ANO5: variants seen among roughly 807,000 people sequenced by gnomAD.
ANO5 encodes the protein anoctamin-5.
A neutral mutation model predicts 121.0 loss-of-function variants in ANO5; 109 were observed. That is an observed-to-expected ratio of 0.90 (90% CI 0.77 to 1.06). The LOEUF (loss-of-function observed/expected upper bound fraction) is 1.06, where lower values mean the gene tolerates loss of function less well. Among genes scored for constraint, ANO5 ranks in the 50% least tolerant of loss-of-function variants. The pLI is 0.00. For synonymous variants in ANO5, 406 were observed against 359.9 expected (o/e 1.13, Z -1.45); for missense variants, 1,064 against 1,078.5 (o/e 0.99, Z 0.19).
chr11:22,218,233 G>T lies in ANO5; in HGVS notation c.139-13G>T. On this transcript the variant is annotated splice_polypyrimidine_tract_variant and intron_variant, in intron 3 of 21. Transcript: ENST00000324559. ...GGGCAGGAAGTGCTAATTCTTTATT[G>T]GTTGCTTCACAGCCTGCAAAGCGAT... 1 of 1,612,740 alleles carries T rather than the reference G, an allele frequency of 6.2e-7. No homozygotes were observed. Among genetic ancestry groups the T allele is most frequent in the Non-Finnish European group, 8.5e-7 (1 of 1,179,562 alleles).
At chr11:22,240,092 A>G (rs1019465297) in intron 9 of ANO5, among the ~76,000 whole-genome samples, 4 of 152,092 alleles carry the variant, frequency 2.6e-5, no homozygotes, top group Admixed American at 6.6e-5. Context: ...AGGGGCTAAC[A>G]CTTAGTGTTT....
chr11:22,251,672 A>G (rs973968235), intron 12 of ANO5, among the ~76,000 whole-genome samples: 10 of 152,098 alleles, frequency 6.6e-5, no homozygotes, highest in Admixed American at 6.6e-4. Flanking sequence ...CTGGGTGTAA[A>G]TTAGACATTT....
intron 18 of ANO5, among the ~76,000 whole-genome samples, chr11:22,271,017 G>A (rs1243473755): frequency 6.6e-6 from 1 of 152,130 alleles, no homozygotes; most frequent in African/African-American, 2.4e-5. Flanking sequence ...TGCTCAGAGC[G>A]TTTTCCCTCA....
chr11:22,226,079 G>A (rs763223849), intron 6 of ANO5, 27 bp downstream of exon 6: 2 of 1,556,078 alleles, frequency 1.3e-6, no homozygotes, highest in Non-Finnish European at 8.9e-7. Flanking sequence ...ATTTATACAA[G>A]CCTCTTTAAT....
chr11:22,213,090 T>C (rs1446269209), intron 3 of ANO5, among the ~76,000 whole-genome samples: 1 of 151,504 alleles, frequency 6.6e-6, no homozygotes, highest in African/African-American at 2.4e-5. Context: ...ATAAATCTAT[T>C]TATTATAAAT....
intron 7 of ANO5, 123 bp downstream of exon 7, chr11:22,227,709 T>A: frequency 1.6e-6 from 2 of 1,213,038 alleles, no homozygotes; most frequent in Non-Finnish European, 1.2e-6. Flanking sequence ...ATATAAGCAT[T>A]TGGTGATATT....
intron 5 of ANO5, among the ~76,000 whole-genome samples, chr11:22,224,879 T>A (rs1852773014): frequency 6.6e-6 from 1 of 152,074 alleles, no homozygotes; most frequent in Non-Finnish European, 1.5e-5. Flanking sequence ...GAAGCCATTA[T>A]GTTAAGTGAA....
chr11:22,250,395 A>G (rs750199426), intron 10 of ANO5, 24 bp downstream of exon 10: 2 of 1,612,946 alleles, frequency 1.2e-6, no homozygotes, highest in Non-Finnish European at 1.7e-6. Flanking sequence ...AGTTGCCCAG[A>G]TAGAGAAAAC....
intron 3 of ANO5, among the ~76,000 whole-genome samples, chr11:22,217,964 A>G (rs1238288674): frequency 6.6e-6 from 1 of 152,036 alleles, no homozygotes; most frequent in Non-Finnish European, 1.5e-5. Flanking sequence ...AAAATAAAAT[A>G]TAAATCCACA....
intron 17 of ANO5, among the ~76,000 whole-genome samples, chr11:22,268,284 T>A (rs1207001436): frequency 4.6e-5 from 7 of 151,264 alleles, no homozygotes; most frequent in Non-Finnish European, 1.0e-4. Flanking sequence ...CTTTTTTTTT[T>A]AATAATACCG....
upstream of ANO5, chr11:22,192,824 C>T (rs756473398): frequency 3.5e-6 from 1 of 285,614 alleles, no homozygotes; most frequent in Non-Finnish European, 5.3e-6. Flanking sequence ...GGCCGGCCAA[C>T]AGGGCCGGGG....
intron 8 of ANO5, 75 bp downstream of exon 8, chr11:22,236,351 T>G (rs1853220508): frequency 1.6e-6 from 2 of 1,218,528 alleles, no homozygotes; most frequent in Admixed American, 3.5e-5. Flanking sequence ...GAGAGAATCT[T>G]CCTTTACTTC....
intron 13 of ANO5, among the ~76,000 whole-genome samples, chr11:22,256,046 A>T (rs2133724456): frequency 6.6e-6 from 1 of 152,276 alleles, no homozygotes; most frequent in Middle Eastern, 3.4e-3. Context: ...GCCCCTTTTA[A>T]CTGATTATAT....
At chr11:22,237,338 T>C (rs1021233043) in intron 8 of ANO5, among the ~76,000 whole-genome samples, 1 of 152,156 alleles carries the variant, frequency 6.6e-6, no homozygotes, top group Admixed American at 6.6e-5. Context: ...CTTCCTTTCA[T>C]AGGACTTAGT....
At chr11:22,204,158 T>C (rs1398337409) in intron 2 of ANO5, among the ~76,000 whole-genome samples, 4 of 152,074 alleles carry the variant, frequency 2.6e-5, no homozygotes, top group South Asian at 2.1e-4. Context: ...TATAATATAA[T>C]GTTAGTGTAG....
intron 7 of ANO5, among the ~76,000 whole-genome samples, chr11:22,233,934 C>T (rs181397019): frequency 1.2e-3 from 182 of 152,214 alleles, no homozygotes; most frequent in African/African-American, 4.1e-3. Context: ...CCACTTCCAC[C>T]GCTTGGTAGC....
chr11:22,201,245 C>T (rs148214678), intron 1 of ANO5, among the ~76,000 whole-genome samples: 317 of 152,284 alleles, frequency 2.1e-3, no homozygotes, highest in Middle Eastern at 0.014. Context: ...AAATGTTTAT[C>T]AGCCGTCTTT....
At chr11:22,219,900 T>TTTC (rs921868400) in intron 4 of ANO5, among the ~76,000 whole-genome samples, 1 of 151,274 alleles carries the variant, frequency 6.6e-6, no homozygotes, top group African/African-American at 2.4e-5. Context: ...GATTTTTTTT[T>TTTC]TTTTTTTTAA....
chr11:22,193,628 T>C (rs1412682544), intron 1 of ANO5, 96 bp downstream of exon 1: 3 of 1,464,992 alleles, frequency 2.0e-6, no homozygotes, highest in Non-Finnish European at 1.9e-6. Context: ...TTGGCGGCCC[T>C]GCGGCCTGAG....
Sources: gnomAD v4.1 joint callset for allele counts (sites outside exome capture counted in the v4.1 genomes callset) on GRCh38, gnomAD v4.1.1 for gene constraint, MANE v1.5 for transcripts, NCBI Gene and HGNC (gene_info 2026-07-23, HGNC 2026-07-21) for gene names.